The following ISLR2 variants were observed in gnomAD, a reference collection of about 807,000 sequenced individuals.
ISLR2 encodes the protein immunoglobulin superfamily containing leucine-rich repeat protein 2.
Under a neutral mutation model 25.5 loss-of-function variants are expected in ISLR2, and 16 were observed. The observed-to-expected ratio is 0.63, with a 90% CI of 0.43 to 0.95. ISLR2 has a LOEUF of 0.95. Ranked by LOEUF, ISLR2 falls within the 40% of genes least tolerant of loss-of-function variation. The pLI, the probability that ISLR2 is intolerant of heterozygous loss-of-function variation, is 0.00. For synonymous variants in ISLR2, 508 were observed against 486.6 expected (o/e 1.04, Z -0.58); for missense variants, 883 against 1,030.7 (o/e 0.86, Z 1.96).
upstream of ISLR2, chr15:74,127,554 G>A (rs1341680993): frequency 2.0e-5 from 3 of 152,388 alleles, no homozygotes; most frequent in Admixed American, 1.3e-4. Context: ...TCGGGACTTT[G>A]GTTAAGCGCG....
Position 74,134,888 on chromosome 15 carries a change from G to A in ISLR2, c.2134G>A (p.Glu712Lys), listed in dbSNP as rs2141963282. The change falls in exon 3 of 3, where the codon GAG (glutamate) becomes AAG (lysine). Residue 712 changes from glutamate to lysine, a missense_variant. Around this residue, in one of 2 missense-constraint regions of ISLR2, gnomAD observed 612 missense variants for 642.8 expected, o/e 0.95. Transcript: ENST00000453268. Reference sequence around the variant, plus strand: ...GTCCCAGTCCAAGGCCAACCAAGAGGAGTTCGAGGCGGGCTCTGAGTACAG... The same window carrying A: ...GTCCCAGTCCAAGGCCAACCAAGAGAAGTTCGAGGCGGGCTCTGAGTACAG... The part of the protein sequence containing the change: ...VESQSKANQE[E>K]FEAGSEYSDR... 1.2e-6 allele frequency: 2 copies of A among 1,614,170 alleles called. No homozygotes were observed. Among genetic ancestry groups the A allele is most frequent in the East Asian group, 4.5e-5 (2 of 44,868 alleles).
intron 2 of ISLR2, among the ~76,000 whole-genome samples, chr15:74,131,602 G>C (rs1441459224): frequency 6.6e-6 from 1 of 152,154 alleles, no homozygotes; most frequent in East Asian, 1.9e-4. Flanking sequence ...GGGGTCCTTA[G>C]GCACCGCAGA....
chr15:74,114,388 G>A (rs1354250978), intron 2 of ISLR2, among the ~76,000 whole-genome samples: 1 of 152,148 alleles, frequency 6.6e-6, no homozygotes, highest in Non-Finnish European at 1.5e-5. Flanking sequence ...AAATATATAT[G>A]AAAGTTCAAA....
At chr15:74,123,435 C>G (rs1265618457), upstream of ISLR2, among the ~76,000 whole-genome samples, 1 of 152,210 alleles carries the variant, frequency 6.6e-6, no homozygotes, top group Admixed American at 6.5e-5. Context: ...CCAAGGGCCT[C>G]AAGACACACA....
At chr15:74,122,434 G>A (rs2072260351) in intron 2 of ISLR2, among the ~76,000 whole-genome samples, 1 of 152,240 alleles carries the variant, frequency 6.6e-6, no homozygotes, top group South Asian at 2.1e-4. Context: ...TCTGACTGCT[G>A]TGCATCTGTG....
upstream of ISLR2, chr15:74,130,187 C>A (rs536476638): frequency 1.3e-5 from 1 of 79,026 alleles, no homozygotes; most frequent in Non-Finnish European, 2.3e-5. Flanking sequence ...GTTCTGGTGT[C>A]GGGTTAGACT....
rs1476641593 is a variant in ISLR2, at chr15:74,105,970, T to G, written n.228+2056T>G. 4.6e-5 allele frequency among the ~76,000 whole-genome samples: 7 copies of G among 152,192 alleles called. No individual in the cohort carries two copies. The South Asian group carries it at 1.5e-3, about 32-fold the overall frequency. On this transcript the variant is annotated intron_variant and non_coding_transcript_variant, in intron 2 of 3. Transcript: ENST00000561975. ...ATGGAACCAAGTCTAGAAACATGTC[T>G]GTCTAGGCGCAAGATTCCAGCATGT...
intron 2 of ISLR2, among the ~76,000 whole-genome samples, chr15:74,119,380 T>C (rs1279073846): frequency 2.0e-5 from 3 of 152,122 alleles, no homozygotes; most frequent in Non-Finnish European, 4.4e-5. Flanking sequence ...CTGGCTAATT[T>C]TTAAATTTTT....
At chr15:74,117,044 G>A (rs1270852091) in intron 2 of ISLR2, among the ~76,000 whole-genome samples, 1 of 152,182 alleles carries the variant, frequency 6.6e-6, no homozygotes, top group Non-Finnish European at 1.5e-5. Flanking sequence ...GCCTTCACAT[G>A]TCCTCAGTCT....
intron 2 of ISLR2, among the ~76,000 whole-genome samples, chr15:74,116,698 C>A (rs1219349954): frequency 1.3e-5 from 2 of 151,920 alleles, no homozygotes; most frequent in South Asian, 4.1e-4. Context: ...GGGTTTATAA[C>A]ATGTGGAAGT....
At chr15:74,129,419 A>C (rs958421764), upstream of ISLR2, 1 of 194,530 alleles carries the variant, frequency 5.1e-6, no homozygotes. This position sits in a 1 kb window ranked among gnomAD's most constrained non-coding sequence, Gnocchi z 4.5. Context: ...AACCCTCGCC[A>C]TCGAGAGACC....
intron 2 of ISLR2, among the ~76,000 whole-genome samples, chr15:74,119,611 C>T (rs767402296): frequency 9.9e-5 from 15 of 151,966 alleles, no homozygotes; most frequent in Non-Finnish European, 1.8e-4. Context: ...AATGTTCTTA[C>T]CACAAAAATA....
Position 74,116,684 on chromosome 15 carries a change from T to C in ISLR2, n.228+12770T>C, listed in dbSNP as rs1180863512. ...TTGACTGAGGCAAAAGTAATAACAT[T>C]ATGGGGTTTATAACATGTGGAAGTA... is the stretch of plus-strand genomic sequence containing the variant. On this transcript the variant is annotated intron_variant and non_coding_transcript_variant, in intron 2 of 3. Coordinates refer to the ISLR2 transcript ENST00000561975. Among the ~76,000 whole-genome samples the C allele has an allele frequency of 9.3e-4, 141 of 152,174 alleles. 3 individuals carry two copies. Among genetic ancestry groups the C allele is most frequent in the Admixed American group, 9.2e-3 (141 of 15,266 alleles).
chr15:74,128,902 G>A, upstream of ISLR2: 1 of 411,682 alleles, frequency 2.4e-6, no homozygotes. Flanking sequence ...AGAAGGGTGT[G>A]CTGGCCCCGC....
intron 1 of ISLR2, among the ~76,000 whole-genome samples, chr15:74,102,625 GCATGT>G (rs1393498218): frequency 9.2e-5 from 14 of 151,878 alleles, no homozygotes; most frequent in African/African-American, 3.4e-4. Context: ...CCTGAGCATT[GCATGT>G]CTGTGTTCCC....
intron 2 of ISLR2, among the ~76,000 whole-genome samples, chr15:74,116,479 A>G (rs554791826): frequency 3.3e-5 from 5 of 152,204 alleles, no homozygotes; most frequent in Admixed American, 6.5e-5. Flanking sequence ...AACAAAAGCC[A>G]GGATAATCAC....
intron 2 of ISLR2, among the ~76,000 whole-genome samples, chr15:74,112,910 C>A (rs2072180715): frequency 6.6e-6 from 1 of 151,260 alleles, no homozygotes; most frequent in East Asian, 2.0e-4. Context: ...TCACTGCAAC[C>A]TGCACCTCCC....
At chr15:74,129,076 C>T (rs1198906299), upstream of ISLR2, 1 of 456,670 alleles carries the variant, frequency 2.2e-6, no homozygotes, top group Admixed American at 2.3e-5. The surrounding 1 kb of genome is among the most constrained non-coding windows in gnomAD (Gnocchi z 4.5). Flanking sequence ...TGAAAGGCGC[C>T]TTGCGCCCTC....
intron 2 of ISLR2, among the ~76,000 whole-genome samples, chr15:74,115,011 T>C (rs1260434134): frequency 6.6e-6 from 1 of 152,084 alleles, no homozygotes; most frequent in East Asian, 1.9e-4. Context: ...GAAGATGCCC[T>C]CAAGCCTTTG....
Sources: gnomAD v4.1 joint callset for allele counts (sites outside exome capture counted in the v4.1 genomes callset) on GRCh38, gnomAD v4.1.1 for gene constraint, gnomAD v4.1.1 regional missense constraint, Gnocchi (gnomAD v3.1) non-coding constraint, MANE v1.5 for transcripts, NCBI Gene and HGNC (gene_info 2026-07-23, HGNC 2026-07-21) for gene names.